The following PPP4R1 variants were observed in gnomAD, a reference collection of about 807,000 sequenced individuals.
The protein encoded by PPP4R1 is serine/threonine-protein phosphatase 4 regulatory subunit 1.
In PPP4R1, 42 loss-of-function variants were observed where a neutral mutation model predicts 111.2. The ratio of observed to expected loss-of-function variants is 0.38; its 90% CI spans 0.29 to 0.49. The LOEUF is 0.49. PPP4R1 is among the 20% of genes least tolerant of loss of function. PPP4R1 has a pLI of 0.97. For missense variants in PPP4R1, 1,012 were observed against 1,161.6 expected (o/e 0.87, Z 1.87); for synonymous variants, 409 against 405.5 (o/e 1.01, Z -0.10).
At chr18:9,576,942 T>C (rs2066945537) in intron 10 of PPP4R1, 122 bp downstream of exon 10, 1 of 1,009,446 alleles carries the variant, frequency 9.9e-7, no homozygotes, top group Non-Finnish European at 1.4e-6. Context: ...AATTTTTATA[T>C]TCAAGAGAAA....
chr18:9,562,481 A>G (rs1332268599), intron 12 of PPP4R1, among the ~76,000 whole-genome samples: 2 of 152,330 alleles, frequency 1.3e-5, no homozygotes, highest in Non-Finnish European at 2.9e-5. Context: ...CAAATTATAT[A>G]TATGTTAACA....
At chr18:9,602,651 G>A (rs923406901) in intron 2 of PPP4R1, among the ~76,000 whole-genome samples, 1 of 151,856 alleles carries the variant, frequency 6.6e-6, no homozygotes, top group Non-Finnish European at 1.5e-5. Flanking sequence ...TCTGAGGTCA[G>A]AAGTTTGACA....
At chr18:9,582,086 T>G (rs2067038814) in intron 9 of PPP4R1, among the ~76,000 whole-genome samples, 1 of 151,958 alleles carries the variant, frequency 6.6e-6, no homozygotes, top group Non-Finnish European at 1.5e-5. Context: ...AGATGATAAT[T>G]CAAAGAAGGA....
At chr18:9,592,564 A>C (rs1195909004) in intron 4 of PPP4R1, among the ~76,000 whole-genome samples, 1 of 152,146 alleles carries the variant, frequency 6.6e-6, no homozygotes, top group African/African-American at 2.4e-5. Context: ...CCTGGTATAG[A>C]GTATGTACTG....
At chr18:9,571,962 G>A (rs1421947969) in intron 10 of PPP4R1, among the ~76,000 whole-genome samples, 1 of 152,180 alleles carries the variant, frequency 6.6e-6, no homozygotes, top group Non-Finnish European at 1.5e-5. Context: ...TAGGAGGCAG[G>A]AATTACAGAC....
At chr18:9,577,963 A>C (rs2066964418) in intron 9 of PPP4R1, among the ~76,000 whole-genome samples, 1 of 152,268 alleles carries the variant, frequency 6.6e-6, no homozygotes, top group Non-Finnish European at 1.5e-5. Flanking sequence ...GACGTACCAG[A>C]AACATAATGT....
chr18:9,605,519 T>A (rs79238683), intron 2 of PPP4R1, among the ~76,000 whole-genome samples: 3,540 of 125,658 alleles, frequency 0.028, 59 homozygotes, highest in Middle Eastern at 0.063. Flanking sequence ...TGCTCCTTAA[T>A]CTGAAGCACT....
chr18:9,564,732 G>T (rs59809822), intron 11 of PPP4R1, among the ~76,000 whole-genome samples: 6 of 41,010 alleles, frequency 1.5e-4, no homozygotes, highest in South Asian at 8.2e-4. Context: ...GTGTGTGTGT[G>T]TGTGTGGGGG....
At chr18:9,608,348 T>C (rs748531444) in intron 2 of PPP4R1, among the ~76,000 whole-genome samples, 1 of 152,200 alleles carries the variant, frequency 6.6e-6, no homozygotes, top group Non-Finnish European at 1.5e-5. Flanking sequence ...CCCAGTGTTC[T>C]TTCCCCTACA....
chr18:9,562,061 A>C lies in PPP4R1; in HGVS notation c.1761T>G (p.Thr587=). 6.2e-7 allele frequency: 1 copy of C among 1,610,658 alleles called. No individual in the cohort carries two copies. Among genetic ancestry groups the C allele is most frequent in the African/African-American group, 1.3e-5 (1 of 74,944 alleles). Residue 587 remains threonine, a synonymous_variant, in exon 13 of 20, where the codon ACT becomes ACG. Transcript: ENST00000400556. ...CTGAATCGCTGTGAATATAGTGAAGAGTGGAGTCCATATTCTGTTAGGAAA... is the reference window on the plus strand; with the variant it reads ...CTGAATCGCTGTGAATATAGTGAAGCGTGGAGTCCATATTCTGTTAGGAAA... ...ISDAVENMDS[T]LHYIHSDSDL...
intron 13 of PPP4R1, 108 bp from the exon 14 acceptor site, chr18:9,559,712 C>A: frequency 1.8e-5 from 13 of 736,810 alleles, no homozygotes; most frequent in Admixed American, 8.5e-5. Flanking sequence ...TTTAACATAG[C>A]ATCTCAAATA....
Position 9,553,247 on chromosome 18 carries a change from G to A in PPP4R1, c.2291+75C>T, listed in dbSNP as rs2066517611. ...ACTTGGATCTACACAAAGTAATGAA[G>A]AAACTGAGAAAATGTAAAAATGAAG... On this transcript the variant is annotated intron_variant, in intron 16 of 19. Coordinates refer to ENST00000400556, the MANE Select transcript of PPP4R1 (RefSeq NM_001042388.3). 1.5e-5 allele frequency: 18 copies of A among 1,187,748 alleles called. No homozygotes were observed. The South Asian group carries it at 2.4e-4, about 16-fold the overall frequency. The allele number at this position is 1,187,748 out of a possible 1,614,324, so 73.6% of individuals were successfully genotyped here.
rs371031848 is a variant in PPP4R1 at position 9,563,501 on chromosome 18, T to C, written c.1623A>G (p.Ala541=). ...TTTCTATACTGATGGTCTCTTCATGTGCATCCAGGCTGGAAGCACGTAGTG... is the reference window on the plus strand; with the variant it reads ...TTTCTATACTGATGGTCTCTTCATGCGCATCCAGGCTGGAAGCACGTAGTG... ...SAALRASSLD[A]HEETISIEKR... is the part of the protein sequence containing the mutation. Residue 541 remains alanine, a synonymous_variant, in exon 12 of 20, where the codon GCA becomes GCG. Transcript: ENST00000400556. 2 of 1,608,740 alleles carry C rather than the reference T, an allele frequency of 1.2e-6. No homozygotes were observed. Among genetic ancestry groups the C allele is most frequent in the Non-Finnish European group, 1.7e-6 (2 of 1,175,798 alleles).
chr18:9,579,517 CGTGTGTGTGTGTGT>C (rs3974278), intron 9 of PPP4R1, among the ~76,000 whole-genome samples: 8 of 147,870 alleles, frequency 5.4e-5, no homozygotes, highest in African/African-American at 2.0e-4. Context: ...AGGATTTACA[CGTGTGTGTGTGTGT>C]GTGTGTGTGT....
At chr18:9,610,261 G>A (rs2067554631) in intron 2 of PPP4R1, among the ~76,000 whole-genome samples, 2 of 152,104 alleles carry the variant, frequency 1.3e-5, no homozygotes, top group African/African-American at 4.8e-5. Flanking sequence ...CTACAATTTT[G>A]TATTGTCTCC....
At chr18:9,579,168 C>T (rs918160736) in intron 9 of PPP4R1, among the ~76,000 whole-genome samples, 1 of 152,164 alleles carries the variant, frequency 6.6e-6, no homozygotes, top group Non-Finnish European at 1.5e-5. Context: ...TCCAACACAT[C>T]CCACTGCCTG....
chr18:9,574,181 G>A (rs1054703123), intron 10 of PPP4R1, among the ~76,000 whole-genome samples: 3 of 152,072 alleles, frequency 2.0e-5, no homozygotes, highest in Non-Finnish European at 2.9e-5. Context: ...TGTCTCCTAA[G>A]AGACGTAGGT....
At chr18:9,593,185 G>T (rs1038946618) in intron 4 of PPP4R1, among the ~76,000 whole-genome samples, 3 of 152,020 alleles carry the variant, frequency 2.0e-5, no homozygotes, top group African/African-American at 7.2e-5. Flanking sequence ...ATAAAAATAT[G>T]TTTAATATTA....
chr18:9,574,978 T>C (rs1042552619), intron 10 of PPP4R1, among the ~76,000 whole-genome samples: 4 of 152,216 alleles, frequency 2.6e-5, no homozygotes, highest in African/African-American at 9.6e-5. Context: ...TTCTGAGAAG[T>C]AGGCTTTATC....
Sources: allele counts gnomAD v4.1 joint callset (sites outside exome capture counted in the v4.1 genomes callset), GRCh38; gene constraint gnomAD v4.1.1; transcripts MANE v1.5; gene names NCBI Gene and HGNC (gene_info 2026-07-23, HGNC 2026-07-21).